GALNT5: variants seen among roughly 807,000 people sequenced by gnomAD.
GALNT5 encodes the protein polypeptide N-acetylgalactosaminyltransferase 5.
GALNT5 carries 72 observed loss-of-function variants against 85.4 expected under a neutral mutation model. The ratio of observed to expected loss-of-function variants is 0.84; its 90% CI spans 0.70 to 1.03. The LOEUF (loss-of-function observed/expected upper bound fraction) is 1.03. Ranked by LOEUF, GALNT5 falls within the 50% of genes least tolerant of loss-of-function variation. The pLI is 0.00. For missense variants in GALNT5, 1,137 were observed against 1,135.5 expected (o/e 1.00, Z -0.02); for synonymous variants, 404 against 397.0 (o/e 1.02, Z -0.21).
intron 3 of GALNT5, among the ~76,000 whole-genome samples, chr2:157,292,951 C>G (rs1428215560): frequency 6.6e-6 from 1 of 152,152 alleles, no homozygotes; most frequent in Non-Finnish European, 1.5e-5. Context: ...ATCCTACCAC[C>G]TCAGCCTCCC....
In GALNT5 at chr2:157,286,893, A is replaced by AGTGTGTGTGTGT. The variant is rs3072178; in HGVS notation, c.1741+792_1741+803dup. 1.8e-3 allele frequency among the ~76,000 whole-genome samples: 250 copies of AGTGTGTGTGTGT among 135,886 alleles called. 2 individuals are homozygous for AGTGTGTGTGTGT. The highest frequency in any genetic ancestry group is 5.8e-3 in the African/African-American group (207 of 35,934). The allele number at this position is 135,886 out of a possible 152,430, so 89.1% of individuals were successfully genotyped here. A position where few individuals can be genotyped will look rare whatever the true frequency, so the allele number is the denominator to read the frequency against. On this transcript the variant is annotated intron_variant, in intron 3 of 9. Transcript: ENST00000259056. ...TCCTCACACACTTTGTTTAAATACC[A>AGTGTGTGTGTGT]GTGTGTGTGTGTGTGTGTGTGTGTG...
At chr2:157,289,075 A>G (rs1683037126) in intron 3 of GALNT5, among the ~76,000 whole-genome samples, 1 of 152,226 alleles carries the variant, frequency 6.6e-6, no homozygotes, top group South Asian at 2.1e-4. Context: ...TGAGATATTC[A>G]TGCACAGAAA....
intron 3 of GALNT5, 29 bp downstream of exon 3, chr2:157,286,163 T>C: frequency 1.3e-6 from 2 of 1,582,894 alleles, no homozygotes; most frequent in Non-Finnish European, 1.7e-6. Flanking sequence ...TTTTGTTTGT[T>C]ACATTTTTAT....
In GALNT5 at chr2:157,283,852, C is replaced by T. The variant is rs2053731; in HGVS notation, c.1455-430C>T. ...TCTATTGAATAAGAACCATTTATTA[C>T]CTCATTCTGCAGATGAGGAAACTGA... On this transcript the variant is annotated intron_variant, in intron 1 of 9. Transcript: ENST00000259056. Among the ~76,000 whole-genome samples, 123 of 152,262 alleles carry T rather than the reference C, an allele frequency of 8.1e-4. 2 individuals are homozygous for T. The highest frequency in any genetic ancestry group is 2.9e-3 in the African/African-American group (121 of 41,538).
intron 1 of GALNT5, among the ~76,000 whole-genome samples, chr2:157,270,249 C>T (rs1240270549): frequency 6.6e-6 from 1 of 152,138 alleles, no homozygotes; most frequent in Non-Finnish European, 1.5e-5. Flanking sequence ...CATATTAATC[C>T]AGCAATTTGC....
At chr2:157,286,179 T>A in intron 3 of GALNT5, 45 bp downstream of exon 3, 1 of 1,515,320 alleles carries the variant, frequency 6.6e-7, no homozygotes, top group Non-Finnish European at 9.1e-7. Flanking sequence ...TTTATTTTAA[T>A]TTAAAATGTT....
At position 157,263,495 on chromosome 2, in the gene GALNT5, T is replaced by A. The variant is rs559919881; in HGVS notation, c.1454+3959T>A. 3.3e-5 allele frequency among the ~76,000 whole-genome samples: 5 copies of A among 152,340 alleles called. No homozygotes were observed. The East Asian group carries it at 7.7e-4, about 24-fold the overall frequency. On this transcript the variant is annotated intron_variant, in intron 1 of 9. Coordinates refer to ENST00000259056, the MANE Select transcript of GALNT5 (RefSeq NM_014568.3). ...CAATTACTCTTAGTGTACACAGGCA[T>A]CCTAGTTACTGAAACACTGTTTATT...
chr2:157,308,458 T>G (rs1265027035), intron 8 of GALNT5, 109 bp from the exon 9 acceptor site: 6 of 732,990 alleles, frequency 8.2e-6, no homozygotes, highest in Non-Finnish European at 1.4e-5. Context: ...GAATATAAAA[T>G]GTCAGATCAT....
rs971116510 is a variant in GALNT5 at position 157,312,152 on chromosome 2, C to A, written c.*804C>A. The A allele has an allele frequency of 1.3e-5, 2 of 151,946 alleles. No individual in the cohort carries two copies. Among genetic ancestry groups the A allele is most frequent in the African/African-American group, 4.8e-5 (2 of 41,360 alleles). The allele number at this position is 151,946 out of a possible 1,614,324, so 9.4% of individuals were successfully genotyped here. ...TGAAAAAAGGCTGGATTATAACACACTGTAGTAATCAAAAATGCATTTAAG... is the reference window on the plus strand; with the variant it reads ...TGAAAAAAGGCTGGATTATAACACAATGTAGTAATCAAAAATGCATTTAAG... On this transcript the variant is annotated 3_prime_UTR_variant, in exon 10 of 10. Transcript: ENST00000259056.
At position 157,312,491 on chromosome 2, in the gene GALNT5, C is replaced by A. The variant is rs906546845; in HGVS notation, c.*1143C>A. The A allele has an allele frequency of 6.6e-6, 1 of 151,464 alleles. No homozygotes were observed. The highest frequency in any genetic ancestry group is 2.4e-5 in the African/African-American group (1 of 41,180). 9.4% of individuals were successfully genotyped at this position (151,464 alleles called of 1,614,324 possible). ...CTCTATGAAGGAAAAAAGAGTAAAG[C>A]CCTCAGTGTGAACCCAGTGAGAACA... On this transcript the variant is annotated 3_prime_UTR_variant, in exon 10 of 10. Coordinates refer to ENST00000259056, the MANE Select transcript of GALNT5 (RefSeq NM_014568.3).
Position 157,311,308 on chromosome 2 carries a change from C to T in GALNT5, c.2783C>T (p.Pro928Leu). 1 of 1,609,818 alleles carries T rather than the reference C, an allele frequency of 6.2e-7. No individual in the cohort carries two copies. The highest frequency in any genetic ancestry group is 1.3e-5 in the African/African-American group (1 of 74,786). Residue 928 changes from proline (P) to leucine (L), a missense_variant, in exon 10 of 10, where the codon CCA becomes CTA. Coordinates refer to ENST00000259056, the MANE Select transcript of GALNT5 (RefSeq NM_014568.3). The stretch of plus-strand genomic sequence containing the variant: ...GTAGCTGCCTGTGACCCAGTGAAGC[C>T]ATATCAAAAGTGGAAATTTGAAAAA... ...LKVAACDPVK[P>L]YQKWKFEKYY...
At chr2:157,290,093 A>G (rs200157712) in intron 3 of GALNT5, among the ~76,000 whole-genome samples, 181 of 4,474 alleles carry the variant, frequency 0.04, 2 homozygotes, top group South Asian at 0.11. Context: ...AAATGTATAT[A>G]TATATATATA....
intron 9 of GALNT5, among the ~76,000 whole-genome samples, chr2:157,310,382 T>C (rs1458872314): frequency 1.3e-5 from 2 of 152,194 alleles, no homozygotes; most frequent in Admixed American, 1.3e-4. Flanking sequence ...AAGAGAAGTA[T>C]AAAATGAGAC....
chr2:157,288,467 A>G (rs991604868), intron 3 of GALNT5, among the ~76,000 whole-genome samples: 1 of 152,226 alleles, frequency 6.6e-6, no homozygotes, highest in African/African-American at 2.4e-5. Flanking sequence ...TGGGTGAAGA[A>G]TATTCCCAAG....
intron 1 of GALNT5, among the ~76,000 whole-genome samples, chr2:157,282,799 G>T (rs987448576): frequency 2.0e-5 from 3 of 152,108 alleles, no homozygotes; most frequent in African/African-American, 7.2e-5. Flanking sequence ...CTATCTAGGT[G>T]GATGATGTGG....
chr2:157,294,468 A>C (rs1459733688), intron 3 of GALNT5, among the ~76,000 whole-genome samples: 1 of 152,204 alleles, frequency 6.6e-6, no homozygotes, highest in African/African-American at 2.4e-5. Context: ...TTCAAGACCC[A>C]TTCCATCTCC....
rs1234931284 is a variant in GALNT5 at position 157,312,357 on chromosome 2, G to T, written c.*1009G>T. 1 of 151,776 alleles carries T rather than the reference G, an allele frequency of 6.6e-6. No homozygotes were observed. The highest frequency in any genetic ancestry group is 1.5e-5 in the Non-Finnish European group (1 of 67,920). 9.4% of individuals were successfully genotyped at this position (151,776 alleles called of 1,614,324 possible). The stretch of plus-strand genomic sequence containing the variant: ...TAAAATATTTCAAAGGGAAAATGAA[G>T]TGAAGGAAACATCATGAAAGGGGAA... On this transcript the variant is annotated 3_prime_UTR_variant, in exon 10 of 10. Transcript: ENST00000259056.
Position 157,305,416 on chromosome 2 carries a change from G to T in GALNT5, c.2440-333G>T, listed in dbSNP as rs76771658. Among the ~76,000 whole-genome samples, 96 of 152,284 alleles carry T rather than the reference G, an allele frequency of 6.3e-4. 1 individual carries two copies. The highest frequency in any genetic ancestry group is 2.2e-3 in the African/African-American group (91 of 41,542). ...GCATTGACTTTTAGTATATGCATTA[G>T]ATAAACTTAAGACAAGAAAATAATT... is the stretch of plus-strand genomic sequence containing the variant. On this transcript the variant is annotated intron_variant, in intron 7 of 9. Coordinates refer to ENST00000259056, the MANE Select transcript of GALNT5 (RefSeq NM_014568.3).
At chr2:157,302,273 A>G (rs982844430) in intron 7 of GALNT5, 1 of 152,200 alleles carries the variant, frequency 6.6e-6, no homozygotes, top group East Asian at 1.9e-4. Context: ...AAAACTTACT[A>G]TAATATTCCC....
Sources: allele counts gnomAD v4.1 joint callset (sites outside exome capture counted in the v4.1 genomes callset), GRCh38; gene constraint gnomAD v4.1.1; transcripts MANE v1.5; gene names NCBI Gene and HGNC (gene_info 2026-07-23, HGNC 2026-07-21).